Variants in ITGAV observed in about 807,000 individuals in gnomAD.
The protein encoded by ITGAV is integrin subunit alpha V, also known as integrin alpha-V.
Under a neutral mutation model 143.8 loss-of-function variants are expected in ITGAV, and 76 were observed. The ratio of observed to expected loss-of-function variants is 0.53; its 90% CI spans 0.44 to 0.64. ITGAV has a LOEUF of 0.64. Among genes scored for constraint, ITGAV ranks in the 30% least tolerant of loss-of-function variants. The pLI is 0.00. For missense variants in ITGAV, 1,193 were observed against 1,274.7 expected (o/e 0.94, Z 0.98); for synonymous variants, 453 against 446.7 (o/e 1.01, Z -0.18).
At chr2:186,614,484 T>A (rs1351879141) in intron 2 of ITGAV, among the ~76,000 whole-genome samples, 1 of 152,108 alleles carries the variant, frequency 6.6e-6, no homozygotes, top group African/African-American at 2.4e-5. Flanking sequence ...TGTTTCAAGA[T>A]TTCTGATACA....
rs778182462 is a variant in ITGAV at position 186,637,116 on chromosome 2, AGTACTT to A, written c.802+9_802+14del. The A allele has an allele frequency of 1.2e-6, 2 of 1,606,544 alleles. No homozygotes were observed. Among genetic ancestry groups the A allele is most frequent in the South Asian group, 1.1e-5 (1 of 90,938 alleles). On this transcript the variant is annotated splice_region_variant and intron_variant, in intron 8 of 29. Transcript: ENST00000261023. Reference sequence around the variant, plus strand: ...AATGGTGATGGCATAGATGGTATGAAGTACTTGAACTATATCTAATCTTTAAAAAAA... The same window carrying A: ...AATGGTGATGGCATAGATGGTATGAAGAACTATATCTAATCTTTAAAAAAA...
At chr2:186,664,914 G>C (rs190632258) in intron 20 of ITGAV, among the ~76,000 whole-genome samples, 47 of 152,238 alleles carry the variant, frequency 3.1e-4, no homozygotes, top group Non-Finnish European at 4.6e-4. Flanking sequence ...TTTGTCAGAG[G>C]CTGTATGGTT....
chr2:186,636,326 T>A (rs928635778), intron 7 of ITGAV, 119 bp downstream of exon 7: 1 of 751,540 alleles, frequency 1.3e-6, no homozygotes, highest in Non-Finnish European at 2.1e-6. Flanking sequence ...TTTTGAAACA[T>A]ACAGAATATA....
chr2:186,651,801 T>G (rs1359893821), intron 14 of ITGAV, among the ~76,000 whole-genome samples, 181 bp from the exon 15 acceptor site: 5 of 152,204 alleles, frequency 3.3e-5, no homozygotes, highest in Admixed American at 3.3e-4. Flanking sequence ...TTAGGACAGT[T>G]CTGGGCAACT....
chr2:186,592,573 TG>T (rs1435733629), intron 1 of ITGAV, among the ~76,000 whole-genome samples: 1 of 81,940 alleles, frequency 1.2e-5, no homozygotes, highest in Non-Finnish European at 3.1e-5. Flanking sequence ...AAACTTTAAG[TG>T]TTTTTTTTTT....
At chr2:186,610,637 GT>G (rs1054117469) in intron 2 of ITGAV, among the ~76,000 whole-genome samples, 1 of 152,210 alleles carries the variant, frequency 6.6e-6, no homozygotes, top group South Asian at 2.1e-4. Context: ...TGACGGAATA[GT>G]TTTTTTCCCC....
intron 18 of ITGAV, 50 bp from the exon 19 acceptor site, chr2:186,663,718 C>A: frequency 7.7e-7 from 1 of 1,299,476 alleles, no homozygotes; most frequent in Non-Finnish European, 1.1e-6. Context: ...ACTGCTTATG[C>A]CACCTGCATT....
chr2:186,614,002 T>C (rs1687287252), intron 2 of ITGAV, among the ~76,000 whole-genome samples: 2 of 152,138 alleles, frequency 1.3e-5, no homozygotes, highest in African/African-American at 4.8e-5. Flanking sequence ...GCTTGTGTGA[T>C]TAAAATTTTT....
chr2:186,595,317 C>T (rs1201486386), intron 1 of ITGAV, among the ~76,000 whole-genome samples: 1 of 152,162 alleles, frequency 6.6e-6, no homozygotes, highest in Non-Finnish European at 1.5e-5. Flanking sequence ...ATGGACTTGT[C>T]ATTGTTTGGC....
chr2:186,644,691 A>G (rs541934388), intron 12 of ITGAV, among the ~76,000 whole-genome samples: 2 of 152,312 alleles, frequency 1.3e-5, no homozygotes, highest in South Asian at 4.2e-4. Context: ...CTCATTTTTA[A>G]GGATAACAAA....
rs780206599 is a variant in ITGAV at position 186,602,117 on chromosome 2, C to T, written c.282C>T (p.Thr94=). The T allele has an allele frequency of 1.9e-6, 3 of 1,612,468 alleles. No individual in the cohort carries two copies. Among genetic ancestry groups the T allele is most frequent in the African/African-American group, 2.7e-5 (2 of 74,830 alleles). Residue 94 remains threonine (T), a synonymous_variant, in exon 2 of 30, where the codon ACC becomes ACT. Coordinates refer to ENST00000261023, the MANE Select transcript of ITGAV (RefSeq NM_002210.5). The part of the protein sequence containing the change: ...GQVLKCDWSS[T]RRCQPIEFDA... ...TCCTCAAATGTGACTGGTCTTCTAC[C>T]CGCCGGTGCCAGCCAATTGAATTTG...
chr2:186,606,707 T>C (rs1401346340), intron 2 of ITGAV, among the ~76,000 whole-genome samples: 1 of 152,186 alleles, frequency 6.6e-6, no homozygotes, highest in Non-Finnish European at 1.5e-5. Context: ...GTCAGTCACA[T>C]CTTTCTCTCT....
At chr2:186,639,089 G>A (rs550508711) in intron 10 of ITGAV, among the ~76,000 whole-genome samples, 7 of 151,772 alleles carry the variant, frequency 4.6e-5, no homozygotes, top group Admixed American at 6.6e-5. Context: ...TATTATAAGC[G>A]AACTTCATTT....
chr2:186,610,225 G>A (rs2105667603), intron 2 of ITGAV, among the ~76,000 whole-genome samples: 1 of 152,208 alleles, frequency 6.6e-6, no homozygotes, highest in Non-Finnish European at 1.5e-5. Context: ...GTTTAATTTA[G>A]TAGAAGGTAC....
chr2:186,616,995 AG>A (rs1687383600), intron 2 of ITGAV, among the ~76,000 whole-genome samples: 1 of 151,570 alleles, frequency 6.6e-6, no homozygotes, highest in African/African-American at 2.4e-5. Context: ...CTATGAATGC[AG>A]GGTGGTATTG....
intron 17 of ITGAV, 140 bp downstream of exon 17, chr2:186,656,541 A>C (rs1189947879): frequency 1.6e-6 from 1 of 608,180 alleles, no homozygotes; most frequent in Non-Finnish European, 2.7e-6. Context: ...AGCTTTGTAA[A>C]GTGTCATACC....
chr2:186,637,174 C>A, intron 8 of ITGAV, 65 bp downstream of exon 8: 2 of 1,404,536 alleles, frequency 1.4e-6, no homozygotes, highest in Non-Finnish European at 2.0e-6. Flanking sequence ...AAACATGTGG[C>A]ATTGAAAATT....
In ITGAV at chr2:186,666,727, T is replaced by C. The variant is rs141799268; in HGVS notation, c.2190T>C (p.Ser730=). ...AGCTCTTAGCTGGTCTTCGTTTCAGTGTGCACCAGCAGTCAGAGATGGATA... is the reference window on the plus strand; with the variant it reads ...AGCTCTTAGCTGGTCTTCGTTTCAGCGTGCACCAGCAGTCAGAGATGGATA... The part of the protein sequence containing the change: ...GTQLLAGLRF[S]VHQQSEMDTS... The change falls in exon 22 of 30, where the codon AGT becomes AGC. Residue 730 remains serine (S), a synonymous_variant. Transcript: ENST00000261023. 498 of 1,583,284 alleles carry C rather than the reference T, an allele frequency of 3.1e-4. 1 individual carries two copies. In the African/African-American group the frequency reaches 5.9e-3, roughly 19 times the overall value.
chr2:186,625,685 G>GAC, intron 4 of ITGAV, 98 bp downstream of exon 4: 1 of 606,600 alleles, frequency 1.6e-6, no homozygotes, highest in Non-Finnish European at 2.9e-6. Flanking sequence ...GTGTGAGAGA[G>GAC]AGAGATATTA....
Sources: gnomAD v4.1 joint callset for allele counts (sites outside exome capture counted in the v4.1 genomes callset) on GRCh38, gnomAD v4.1.1 for gene constraint, MANE v1.5 for transcripts, NCBI Gene and HGNC (gene_info 2026-07-23, HGNC 2026-07-21) for gene names.